Variants in CSMD1 observed in about 807,000 individuals in gnomAD.
The protein encoded by CSMD1 is CUB and Sushi multiple domains 1.
In CSMD1, 213 loss-of-function variants were observed where a neutral mutation model predicts 417.5. The observed-to-expected ratio is 0.51, with a 90% CI of 0.46 to 0.57. CSMD1 has a LOEUF of 0.57. CSMD1 is among the 20% of genes least tolerant of loss of function. The pLI, the probability that CSMD1 is intolerant of heterozygous loss-of-function variation, is 0.00. For synonymous variants in CSMD1, 2,862 were observed against 1,736.8 expected, an observed-to-expected ratio of 1.65 and a Z score of -16.11; for missense variants, 6,923 against 4,529.7, an observed-to-expected ratio of 1.53 and a Z score of -15.17.
At chr8:3,530,086 A>C (rs1217700895) in intron 10 of CSMD1, among the ~76,000 whole-genome samples, 1 of 152,194 alleles carries the variant, frequency 6.6e-6, no homozygotes, top group Non-Finnish European at 1.5e-5. Flanking sequence ...AATCCATGAC[A>C]CTAAAGGTTT....
chr8:4,540,370 T>G (rs10102020), intron 2 of CSMD1, among the ~76,000 whole-genome samples: 6,681 of 151,970 alleles, frequency 0.044, 483 homozygotes, highest in African/African-American at 0.15. Context: ...ACTGGTGAAA[T>G]AAGCATGAAA....
intron 3 of CSMD1, among the ~76,000 whole-genome samples, chr8:4,368,843 T>G (rs570733934): frequency 6.6e-6 from 1 of 152,234 alleles, no homozygotes; most frequent in Admixed American, 6.5e-5. Flanking sequence ...TTTATTTGGG[T>G]CTTCTTAAAA....
chr8:3,273,500 AG>A (rs1257472807), intron 26 of CSMD1, among the ~76,000 whole-genome samples: 1 of 152,168 alleles, frequency 6.6e-6, no homozygotes, highest in African/African-American at 2.4e-5. Context: ...TAGTTTCAGA[AG>A]GAATGGTACA....
intron 7 of CSMD1, among the ~76,000 whole-genome samples, chr8:3,648,016 T>C (rs1445058449): frequency 1.3e-5 from 2 of 152,236 alleles, no homozygotes; most frequent in Non-Finnish European, 2.9e-5. Context: ...TCTTATTTCT[T>C]GTGCAGCTAA....
chr8:4,171,061 A>G (rs1264526086), intron 3 of CSMD1, among the ~76,000 whole-genome samples: 1 of 151,848 alleles, frequency 6.6e-6, no homozygotes, highest in Non-Finnish European at 1.5e-5. Flanking sequence ...CTCATCTGTC[A>G]GTGTTCCCCT....
At chr8:3,276,313 T>A (rs1802286525) in intron 26 of CSMD1, among the ~76,000 whole-genome samples, 1 of 152,218 alleles carries the variant, frequency 6.6e-6, no homozygotes, top group South Asian at 2.1e-4. Context: ...GGAGAACCAC[T>A]GCTCTCTTCA....
intron 26 of CSMD1, among the ~76,000 whole-genome samples, chr8:3,281,211 G>A (rs11136595): frequency 0.75 from 114,254 of 152,026 alleles, 43,323 homozygotes; most frequent in Admixed American, 0.84. Flanking sequence ...GGGAGGCTGA[G>A]GCAGGTGGAT....
intron 2 of CSMD1, among the ~76,000 whole-genome samples, chr8:4,467,802 G>C (rs898569372): frequency 6.6e-6 from 1 of 152,136 alleles, no homozygotes; most frequent in African/African-American, 2.4e-5. Flanking sequence ...TATGGGGAAA[G>C]AACTAGTGAA....
At chr8:4,454,032 C>G (rs1441377858) in intron 2 of CSMD1, among the ~76,000 whole-genome samples, 6 of 151,728 alleles carry the variant, frequency 4.0e-5, no homozygotes, top group Non-Finnish European at 8.8e-5. Flanking sequence ...CCGTGTTAGC[C>G]GGGATGGTCT....
At chr8:3,794,187 G>GT (rs1799910807) in intron 5 of CSMD1, among the ~76,000 whole-genome samples, 1 of 152,138 alleles carries the variant, frequency 6.6e-6, no homozygotes, top group African/African-American at 2.4e-5. Flanking sequence ...CAAAGCTTGA[G>GT]AAGCACTGGT....
chr8:4,469,786 C>T (rs1247040293), intron 2 of CSMD1, among the ~76,000 whole-genome samples: 1 of 152,136 alleles, frequency 6.6e-6, no homozygotes, highest in Non-Finnish European at 1.5e-5. Flanking sequence ...GACAGCACTC[C>T]TCTGCTTACA....
At chr8:4,795,711 G>A (rs749446757) in intron 1 of CSMD1, among the ~76,000 whole-genome samples, 26 of 152,174 alleles carry the variant, frequency 1.7e-4, no homozygotes, top group African/African-American at 5.3e-4. Context: ...AGATCCAGGC[G>A]GAGAGGCATC....
chr8:3,357,831 A>G (rs745740209), intron 21 of CSMD1, among the ~76,000 whole-genome samples: 4 of 152,208 alleles, frequency 2.6e-5, no homozygotes, highest in Non-Finnish European at 4.4e-5. Context: ...TTATAACCAC[A>G]AACAGTAAGA....
At chr8:3,803,675 G>T (rs565870140) in intron 5 of CSMD1, among the ~76,000 whole-genome samples, 1 of 152,182 alleles carries the variant, frequency 6.6e-6, no homozygotes, top group Non-Finnish European at 1.5e-5. Flanking sequence ...GTGGCACCAC[G>T]CAGAGATTTG....
chr8:3,943,876 A>C (rs2554612), intron 5 of CSMD1, among the ~76,000 whole-genome samples: 3 of 151,990 alleles, frequency 2.0e-5, no homozygotes, highest in Non-Finnish European at 2.9e-5. Flanking sequence ...AACGAAAGAG[A>C]CATGGCAGCT....
chr8:3,757,878 C>G (rs1797750409), intron 5 of CSMD1, among the ~76,000 whole-genome samples: 2 of 149,816 alleles, frequency 1.3e-5, no homozygotes, highest in Non-Finnish European at 3.0e-5. Flanking sequence ...CAAAAAAAAC[C>G]AACAACAAAA....
Position 3,349,217 on chromosome 8 carries a change from T to C in CSMD1, c.3305-1056A>G, listed in dbSNP as rs562895637. 7.9e-5 allele frequency among the ~76,000 whole-genome samples: 12 copies of C among 152,190 alleles called. No individual in the cohort carries two copies. In the East Asian group the frequency reaches 2.3e-3, roughly 29 times the overall value. ...CAGTATTCCTTTTCCACTGGGTTGC[T>C]CAAGGTACTGCAGAATTTTGCAGAT... On this transcript the variant is annotated intron_variant, in intron 21 of 69. Coordinates refer to ENST00000635120, the MANE Select transcript of CSMD1 (RefSeq NM_033225.6).
intron 1 of CSMD1, among the ~76,000 whole-genome samples, chr8:4,653,519 A>G (rs2617032): frequency 0.66 from 100,482 of 151,862 alleles, 33,970 homozygotes; most frequent in African/African-American, 0.79. Flanking sequence ...TCTAAAATAG[A>G]TTTTAGCAAC....
chr8:3,211,217 A>AT (rs1205666801), intron 30 of CSMD1, among the ~76,000 whole-genome samples: 1 of 151,694 alleles, frequency 6.6e-6, no homozygotes, highest in Non-Finnish European at 1.5e-5. Context: ...GCTAATTTTA[A>AT]TTTTTTTTGT....
Sources: allele counts gnomAD v4.1 joint callset (sites outside exome capture counted in the v4.1 genomes callset), GRCh38; gene constraint gnomAD v4.1.1; transcripts MANE v1.5; gene names NCBI Gene and HGNC (gene_info 2026-07-23, HGNC 2026-07-21).